The following CD99L2 variants were observed in gnomAD, a reference collection of about 807,000 sequenced individuals.
CD99L2 encodes CD99 antigen-like protein 2.
In CD99L2, 24 loss-of-function variants were observed where a neutral mutation model predicts 27.3. That is an observed-to-expected ratio of 0.88 (90% CI 0.64 to 1.24). The LOEUF is 1.24. CD99L2 is among the 50% of genes most tolerant of loss of function. The pLI is 0.00. For synonymous variants in CD99L2, 97 were observed against 87.9 expected (o/e 1.10, Z -0.58); for missense variants, 255 against 221.6 (o/e 1.15, Z -0.96).
At chrX:150,835,587 A>G (rs1399844137) in intron 1 of CD99L2, among the ~76,000 whole-genome samples, 1 of 111,155 alleles carries the variant, frequency 9.0e-6, no homozygotes, top group Non-Finnish European at 1.9e-5. Flanking sequence ...ACAAAATAAT[A>G]CTGAAATTCT....
chrX:150,848,953 T>C (rs1433242925), intron 1 of CD99L2, among the ~76,000 whole-genome samples: 1 of 111,572 alleles, frequency 9.0e-6, no homozygotes, highest in East Asian at 2.8e-4. Flanking sequence ...GATCCCGTGC[T>C]AAGGGTCACT....
intron 1 of CD99L2, among the ~76,000 whole-genome samples, chrX:150,882,463 G>A (rs1004075131): frequency 1.8e-5 from 2 of 111,990 alleles, no homozygotes; most frequent in African/African-American, 3.2e-5. Flanking sequence ...AGTGGCTCAC[G>A]CCTGTAATCC....
rs782265845 is a variant in CD99L2, at chrX:150,819,250, A to G, written c.131-3172T>C. Reference sequence around the variant, plus strand: ...TGCCAAATATGGACAACTCTAATAAATTTGACCTGTTTTATCTTAACCACC... The same window carrying G: ...TGCCAAATATGGACAACTCTAATAAGTTTGACCTGTTTTATCTTAACCACC... On this transcript the variant is annotated intron_variant, in intron 2 of 10. Transcript: ENST00000370377. 3.6e-5 allele frequency: 12 copies of G among 331,913 alleles called. No individual in the cohort carries two copies. In the Middle Eastern group the frequency reaches 3.2e-3, roughly 89 times the overall value. The allele number at this position is 331,913 out of a possible 1,213,427, so 27.4% of individuals were successfully genotyped here.
chrX:150,833,140 C>A (rs1360983631), intron 1 of CD99L2, among the ~76,000 whole-genome samples: 2 of 107,863 alleles, frequency 1.9e-5, no homozygotes, highest in African/African-American at 6.8e-5. Flanking sequence ...AATCAACATA[C>A]AAAAATCAAT....
intron 1 of CD99L2, among the ~76,000 whole-genome samples, chrX:150,886,175 T>C (rs908233610): frequency 1.7e-4 from 19 of 112,245 alleles, no homozygotes; most frequent in African/African-American, 6.1e-4. Flanking sequence ...TCCTGGGCAA[T>C]GTGACGATGG....
chrX:150,887,607 C>T (rs1416921494), intron 1 of CD99L2, among the ~76,000 whole-genome samples: 1 of 111,228 alleles, frequency 9.0e-6, no homozygotes, highest in African/African-American at 3.3e-5. Flanking sequence ...TCAGCAAGCT[C>T]CTCCAAGGCT....
At chrX:150,824,760 G>A (rs140529743) in intron 2 of CD99L2, among the ~76,000 whole-genome samples, 6,097 of 111,527 alleles carry the variant, frequency 0.055, 147 homozygotes, top group South Asian at 0.13. Flanking sequence ...GCCACATTGG[G>A]AATTAAATTT....
intron 2 of CD99L2, chrX:150,828,691 T>A (rs1343164096): frequency 6.3e-5 from 7 of 111,344 alleles, no homozygotes; most frequent in Non-Finnish European, 1.3e-4. Flanking sequence ...TAATAAGCAA[T>A]GAGATATTAT....
At chrX:150,837,544 G>C (rs989897694) in intron 1 of CD99L2, among the ~76,000 whole-genome samples, 1 of 112,007 alleles carries the variant, frequency 8.9e-6, no homozygotes, top group Non-Finnish European at 1.9e-5. Flanking sequence ...CACTGCACCC[G>C]GCCTGGAAGT....
rs782518216 is a variant in CD99L2, at chrX:150,768,157, G to A, written c.*877C>T. The A allele has an allele frequency of 9.0e-6, 1 of 111,094 alleles. No individual in the cohort carries two copies. 9.2% of individuals were successfully genotyped at this position (111,094 alleles called of 1,213,427 possible). A position where few individuals can be genotyped will look rare whatever the true frequency, so the allele number is the denominator to read the frequency against. On this transcript the variant is annotated 3_prime_UTR_variant, in exon 11 of 11. Transcript: ENST00000370377. ...GGCTTTGATGCTCGTTCTTGACATC[G>A]GTCACTCTTGCTACCAAAACAGGGA...
intron 1 of CD99L2, among the ~76,000 whole-genome samples, chrX:150,879,750 TAAAAAAAAAAAAAAAAA>T (rs60706288): frequency 5.2e-5 from 1 of 19,388 alleles, no homozygotes; most frequent in Non-Finnish European, 8.6e-5. Flanking sequence ...CTACAAAAAC[TAAAAAAAAAAAAAAAAA>T]AAAAAAAAAA....
chrX:150,817,741 T>C (rs1169487147), intron 2 of CD99L2, among the ~76,000 whole-genome samples: 1 of 111,571 alleles, frequency 9.0e-6, no homozygotes, highest in Admixed American at 9.6e-5. Context: ...TAGTCCTAGC[T>C]ACTTGGGAAT....
chrX:150,790,312 A>G (rs1167394273), intron 7 of CD99L2, among the ~76,000 whole-genome samples: 1 of 109,689 alleles, frequency 9.1e-6, no homozygotes, highest in Non-Finnish European at 1.9e-5. Flanking sequence ...TGCATTTGCC[A>G]AAACCCACAG....
chrX:150,859,253 C>G (rs2046937257), intron 1 of CD99L2, among the ~76,000 whole-genome samples: 1 of 111,590 alleles, frequency 9.0e-6, no homozygotes, highest in Non-Finnish European at 1.9e-5. Context: ...GTAATCCCAG[C>G]ACTTTGGGAG....
At chrX:150,775,966 C>T (rs1390499800) in intron 9 of CD99L2, among the ~76,000 whole-genome samples, 2 of 112,445 alleles carry the variant, frequency 1.8e-5, no homozygotes, top group Non-Finnish European at 3.8e-5. Flanking sequence ...GCCAGCCCCA[C>T]GCGCTCTTGC....
At chrX:150,807,673 G>GA (rs2046015596) in intron 4 of CD99L2, among the ~76,000 whole-genome samples, 1 of 111,164 alleles carries the variant, frequency 9.0e-6, no homozygotes, top group African/African-American at 3.3e-5. Flanking sequence ...TAGATTATAA[G>GA]AAAAAAAGGC....
chrX:150,861,141 C>CA (rs782255590), intron 1 of CD99L2, among the ~76,000 whole-genome samples: 796 of 40,755 alleles, frequency 0.02, 28 homozygotes, highest in African/African-American at 0.053. Context: ...GACTCTGTCT[C>CA]AAAAAAAAAA....
intron 1 of CD99L2, among the ~76,000 whole-genome samples, chrX:150,865,066 CAAAA>C (rs782313986): frequency 2.0e-5 from 1 of 51,110 alleles, no homozygotes. Flanking sequence ...GACCCTGTCT[CAAAA>C]AAAAAAAAAA....
intron 1 of CD99L2, among the ~76,000 whole-genome samples, chrX:150,848,736 T>C (rs1351306357): frequency 9.0e-6 from 1 of 110,989 alleles, no homozygotes; most frequent in Non-Finnish European, 1.9e-5. Flanking sequence ...CCAGGGAGGA[T>C]GAGCTGACCA....
Sources: allele counts gnomAD v4.1 joint callset (sites outside exome capture counted in the v4.1 genomes callset), GRCh38; gene constraint gnomAD v4.1.1; transcripts MANE v1.5; gene names NCBI Gene and HGNC (gene_info 2026-07-23, HGNC 2026-07-21).